The following WWOX variants were observed in gnomAD, a reference collection of about 807,000 sequenced individuals.
The protein encoded by WWOX is WW domain-containing oxidoreductase.
WWOX carries 69 observed loss-of-function variants against 46.2 expected under a neutral mutation model. The observed-to-expected ratio is 1.49, with a 90% CI of 1.23 to 1.82. WWOX has a LOEUF of 1.82. Among genes scored for constraint, WWOX ranks in the 40% most tolerant of loss-of-function variants. The pLI is 0.00. For missense variants in WWOX, 919 were observed against 542.6 expected (o/e 1.69, Z -6.89); for synonymous variants, 359 against 202.6 (o/e 1.77, Z -6.56).
intron 8 of WWOX, among the ~76,000 whole-genome samples, chr16:78,795,243 C>G (rs1053440426): frequency 6.6e-6 from 1 of 152,064 alleles, no homozygotes; most frequent in Non-Finnish European, 1.5e-5. Context: ...TATTCTCTTT[C>G]TACATGTAAG....
chr16:78,196,500 C>T (rs12929952), intron 5 of WWOX, among the ~76,000 whole-genome samples: 8,398 of 152,174 alleles, frequency 0.055, 283 homozygotes, highest in Non-Finnish European at 0.083. Flanking sequence ...ACTTTGTAAC[C>T]ACATTAATTA....
intron 8 of WWOX, among the ~76,000 whole-genome samples, chr16:78,459,499 T>C (rs1194095464): frequency 6.6e-6 from 1 of 152,224 alleles, no homozygotes; most frequent in Non-Finnish European, 1.5e-5. Context: ...TCTGCCATTT[T>C]GCATATTCTT....
rs141045293 is a variant in WWOX at position 78,744,286 on chromosome 16, A to T, written c.1056+311534A>T. Among the ~76,000 whole-genome samples, 281 of 152,258 alleles carry T rather than the reference A, an allele frequency of 1.8e-3. 1 individual carries two copies. Among genetic ancestry groups the T allele is most frequent in the African/African-American group, 6.2e-3 (258 of 41,552 alleles). ...AGGACTTTAGAAACACATAGGCTAT[A>T]ACTGCAAGGTGTGTCTCAGAAGGTA... On this transcript the variant is annotated intron_variant, in intron 8 of 8. Coordinates refer to ENST00000566780, the MANE Select transcript of WWOX (RefSeq NM_016373.4).
intron 5 of WWOX, among the ~76,000 whole-genome samples, chr16:78,263,194 T>C (rs1049417934): frequency 6.6e-6 from 1 of 152,134 alleles, no homozygotes; most frequent in Non-Finnish European, 1.5e-5. Context: ...GAGCCAAGAT[T>C]GCACCTCTGC....
intron 8 of WWOX, among the ~76,000 whole-genome samples, chr16:78,671,220 C>T (rs559850172): frequency 1.9e-4 from 29 of 152,134 alleles, no homozygotes; most frequent in Admixed American, 6.5e-4. Context: ...CCCAGGAGTT[C>T]GAGACCAGCC....
intron 8 of WWOX, among the ~76,000 whole-genome samples, chr16:78,839,011 G>A (rs931580976): frequency 6.6e-6 from 1 of 152,124 alleles, no homozygotes; most frequent in Non-Finnish European, 1.5e-5. Flanking sequence ...TCAATTTCCT[G>A]GTTGTGAAAT....
At chr16:78,224,295 G>A (rs2036982312) in intron 5 of WWOX, among the ~76,000 whole-genome samples, 1 of 151,846 alleles carries the variant, frequency 6.6e-6, no homozygotes, top group South Asian at 2.1e-4. Context: ...GAGCCACCAC[G>A]TCCGGCCTGT....
intron 8 of WWOX, among the ~76,000 whole-genome samples, chr16:78,911,016 TAAAA>T (rs2045096475): frequency 6.6e-6 from 1 of 151,858 alleles, no homozygotes. Flanking sequence ...AAAAATAAAT[TAAAA>T]AAATTAAAAA....
intron 8 of WWOX, among the ~76,000 whole-genome samples, chr16:78,640,370 C>T (rs1298554139): frequency 6.6e-6 from 1 of 151,616 alleles, no homozygotes; most frequent in Admixed American, 6.6e-5. Flanking sequence ...AAGTCGGCCG[C>T]TCTGAGCTAG....
chr16:78,871,553 C>T (rs986473848), intron 8 of WWOX, among the ~76,000 whole-genome samples: 3 of 152,184 alleles, frequency 2.0e-5, no homozygotes, highest in Non-Finnish European at 4.4e-5. Context: ...GACTCTGGAG[C>T]TGTGGTGACA....
At chr16:78,702,100 T>TATATATATATATATATATATATATATA (rs2048234946) in intron 8 of WWOX, among the ~76,000 whole-genome samples, 1 of 81,262 alleles carries the variant, frequency 1.2e-5, no homozygotes, top group African/African-American at 6.8e-5. Flanking sequence ...ATCTATAAAG[T>TATATATATATATATATATATATATATA]TATATATATA....
chr16:78,207,551 A>C (rs2036433076), intron 5 of WWOX, among the ~76,000 whole-genome samples: 1 of 146,656 alleles, frequency 6.8e-6, no homozygotes, highest in South Asian at 2.1e-4. Context: ...GTAGCTTCTC[A>C]TTTTAATTTT....
intron 8 of WWOX, among the ~76,000 whole-genome samples, chr16:79,102,632 C>T (rs932113230): frequency 2.6e-5 from 4 of 151,914 alleles, no homozygotes; most frequent in Admixed American, 2.0e-4. Flanking sequence ...AAACAAGAAA[C>T]ATATATACAG....
intron 8 of WWOX, among the ~76,000 whole-genome samples, chr16:78,948,848 A>G (rs2046000939): frequency 6.6e-6 from 1 of 152,178 alleles, no homozygotes; most frequent in African/African-American, 2.4e-5. Context: ...CTGGGTGATT[A>G]GCATGGATCA....
chr16:78,432,386 G>A (rs768154107), intron 7 of WWOX, 102 bp from the exon 8 acceptor site: 9 of 1,485,868 alleles, frequency 6.1e-6, no homozygotes, highest in Admixed American at 1.7e-5. Context: ...GATTACAGAT[G>A]TGAGCCACTG....
At chr16:78,335,196 C>T (rs910026981) in intron 5 of WWOX, among the ~76,000 whole-genome samples, 1 of 152,188 alleles carries the variant, frequency 6.6e-6, no homozygotes, top group Non-Finnish European at 1.5e-5. Flanking sequence ...AGGTAATCAT[C>T]TGCCACGGTG....
chr16:78,643,995 G>C (rs2046783704), intron 8 of WWOX, among the ~76,000 whole-genome samples: 1 of 152,128 alleles, frequency 6.6e-6, no homozygotes. Flanking sequence ...GGCCAAGATG[G>C]GCAGATCACG....
chr16:78,829,306 G>C (rs143244786), intron 8 of WWOX, among the ~76,000 whole-genome samples: 1 of 152,198 alleles, frequency 6.6e-6, no homozygotes, highest in Non-Finnish European at 1.5e-5. Flanking sequence ...AAAGGCAGAA[G>C]ACAAGCATCC....
chr16:79,128,303 A>C (rs567187666), intron 8 of WWOX, among the ~76,000 whole-genome samples: 18 of 152,122 alleles, frequency 1.2e-4, no homozygotes, highest in Middle Eastern at 3.4e-3. Context: ...ACAAACACTA[A>C]TTTTGTTAGT....
Sources: allele counts gnomAD v4.1 joint callset (sites outside exome capture counted in the v4.1 genomes callset), GRCh38; gene constraint gnomAD v4.1.1; transcripts MANE v1.5; gene names NCBI Gene and HGNC (gene_info 2026-07-23, HGNC 2026-07-21).